The following PPP1R1C variants were observed in gnomAD, a reference collection of about 807,000 sequenced individuals.
PPP1R1C encodes the protein protein phosphatase 1 regulatory inhibitor subunit 1C.
A neutral mutation model predicts 17.4 loss-of-function variants in PPP1R1C; 15 were observed. That is an observed-to-expected ratio of 0.86 (90% confidence interval 0.58 to 1.33). PPP1R1C has a LOEUF of 1.33. Among genes scored for constraint, PPP1R1C ranks in the 40% most tolerant of loss-of-function variants. PPP1R1C has a pLI of 0.00. For synonymous variants in PPP1R1C, 35 were observed against 43.1 expected, an observed-to-expected ratio of 0.81 and a Z score of 0.73; for missense variants, 143 against 130.0, an observed-to-expected ratio of 1.10 and a Z score of -0.48.
At chr2:182,058,909 T>C (rs944513502) in intron 2 of PPP1R1C, among the ~76,000 whole-genome samples, 1 of 152,106 alleles carries the variant, frequency 6.6e-6, no homozygotes, top group Non-Finnish European at 1.5e-5. Context: ...TTTCCTTTGC[T>C]CTTACACTTC....
At chr2:182,116,595 G>C (rs1363615578) in intron 4 of PPP1R1C, among the ~76,000 whole-genome samples, 1 of 152,190 alleles carries the variant, frequency 6.6e-6, no homozygotes, top group African/African-American at 2.4e-5. Context: ...AAGCAGGAAA[G>C]GCTGGTGAGA....
At chr2:182,112,228 C>T (rs16822598) in intron 4 of PPP1R1C, among the ~76,000 whole-genome samples, 2,096 of 152,202 alleles carry the variant, frequency 0.014, 19 homozygotes, top group East Asian at 0.047. Context: ...CTCATCTCTA[C>T]AGACTAGACC....
intron 1 of PPP1R1C, among the ~76,000 whole-genome samples, chr2:181,955,410 C>T (rs1256200306): frequency 2.6e-5 from 4 of 152,124 alleles, no homozygotes; most frequent in Non-Finnish European, 4.4e-5. Flanking sequence ...CAGGGAAAGG[C>T]CATGTGCGTG....
chr2:182,085,499 C>T (rs890266928), intron 4 of PPP1R1C, among the ~76,000 whole-genome samples: 7 of 152,024 alleles, frequency 4.6e-5, no homozygotes, highest in South Asian at 2.1e-4. Flanking sequence ...AGCCCCCATT[C>T]GAGTATGAAC....
chr2:182,020,158 T>C (rs868392704), intron 2 of PPP1R1C, among the ~76,000 whole-genome samples: 2 of 152,214 alleles, frequency 1.3e-5, no homozygotes, highest in Admixed American at 1.3e-4. Flanking sequence ...GTATTTAAAT[T>C]AAAGTAGCAT....
At chr2:182,075,518 C>T (rs1688272681) in intron 4 of PPP1R1C, among the ~76,000 whole-genome samples, 1 of 152,206 alleles carries the variant, frequency 6.6e-6, no homozygotes, top group Non-Finnish European at 1.5e-5. Flanking sequence ...AAGTAAGGCA[C>T]AAGATGGCTG....
At chr2:182,019,343 C>G (rs1686348990) in intron 2 of PPP1R1C, among the ~76,000 whole-genome samples, 1 of 152,168 alleles carries the variant, frequency 6.6e-6, no homozygotes, top group Admixed American at 6.5e-5. Flanking sequence ...TTTGCCATCC[C>G]TTGGGTGGAG....
chr2:182,091,644 C>A (rs1688784678), intron 4 of PPP1R1C, among the ~76,000 whole-genome samples: 1 of 152,066 alleles, frequency 6.6e-6, no homozygotes, highest in Non-Finnish European at 1.5e-5. Flanking sequence ...TTCTACAAAA[C>A]CCTGAGGAGA....
At chr2:182,016,907 G>A (rs1301995319) in intron 2 of PPP1R1C, among the ~76,000 whole-genome samples, 2 of 152,210 alleles carry the variant, frequency 1.3e-5, no homozygotes, top group South Asian at 2.1e-4. Context: ...AGGCCCTAAA[G>A]TATCTAATTT....
At chr2:182,095,011 C>T (rs954690605) in intron 4 of PPP1R1C, among the ~76,000 whole-genome samples, 4 of 152,168 alleles carry the variant, frequency 2.6e-5, no homozygotes, top group Admixed American at 6.5e-5. Context: ...GGCATGTTGG[C>T]CAGGAGCGGT....
At chr2:182,106,855 C>T (rs1232497702) in intron 4 of PPP1R1C, among the ~76,000 whole-genome samples, 2 of 152,166 alleles carry the variant, frequency 1.3e-5, no homozygotes, top group Admixed American at 6.5e-5. Context: ...AGCCCCACGA[C>T]TTGCCAGTGT....
At chr2:181,988,796 A>T (rs1685375649) in intron 2 of PPP1R1C, among the ~76,000 whole-genome samples, 2 of 152,290 alleles carry the variant, frequency 1.3e-5, no homozygotes, top group South Asian at 4.1e-4. Context: ...TAATTAGAGA[A>T]ACATATAAAA....
At chr2:182,129,319 G>T (rs1689949743) in exon 6 of PPP1R1C, 1 of 151,966 alleles carries the variant, frequency 6.6e-6, no homozygotes, top group Non-Finnish European at 1.5e-5. Flanking sequence ...TCTAATTCTG[G>T]AATCTGAGCC....
At chr2:182,049,198 C>T (rs1050831421) in intron 2 of PPP1R1C, among the ~76,000 whole-genome samples, 2 of 151,884 alleles carry the variant, frequency 1.3e-5, no homozygotes, top group African/African-American at 4.8e-5. Context: ...GGTGTGGTGG[C>T]GGGTGCCTGT....
intron 2 of PPP1R1C, among the ~76,000 whole-genome samples, chr2:181,999,141 A>G (rs1685692898): frequency 1.3e-5 from 2 of 152,218 alleles, no homozygotes; most frequent in Admixed American, 1.3e-4. Context: ...TCATTTAGAC[A>G]GTTACAGAAT....
At chr2:182,012,414 G>A (rs369913761) in intron 2 of PPP1R1C, among the ~76,000 whole-genome samples, 19 of 151,974 alleles carry the variant, frequency 1.3e-4, no homozygotes, top group African/African-American at 3.9e-4. Flanking sequence ...CCTGATATAA[G>A]TACAGCATAT....
chr2:181,969,378 A>T (rs1179167668), intron 1 of PPP1R1C, among the ~76,000 whole-genome samples: 1 of 152,032 alleles, frequency 6.6e-6, no homozygotes, highest in Non-Finnish European at 1.5e-5. Context: ...CTATTCTAAG[A>T]TACATATTTT....
intron 4 of PPP1R1C, among the ~76,000 whole-genome samples, chr2:182,084,920 A>G (rs1688583391): frequency 6.6e-6 from 1 of 152,042 alleles, no homozygotes. Context: ...CGTGTCACCT[A>G]TAATTTTTTT....
chr2:182,059,891 T>G (rs1327688977), intron 2 of PPP1R1C, among the ~76,000 whole-genome samples: 2 of 152,102 alleles, frequency 1.3e-5, no homozygotes, highest in Admixed American at 1.3e-4. Flanking sequence ...CATAAAGTTA[T>G]AGGTCCTGGG....
Sources: gnomAD v4.1 joint callset for allele counts (sites outside exome capture counted in the v4.1 genomes callset) on GRCh38, gnomAD v4.1.1 for gene constraint, MANE v1.5 for transcripts, NCBI Gene and HGNC (gene_info 2026-07-23, HGNC 2026-07-21) for gene names.